Variants in TIMP2 observed in about 807,000 individuals in gnomAD.
TIMP2 encodes metalloproteinase inhibitor 2.
A neutral mutation model predicts 24.3 loss-of-function variants in TIMP2; 5 were observed. That is an observed-to-expected ratio of 0.21 (90% CI 0.11 to 0.43). The LOEUF is 0.43. Ranked by LOEUF, TIMP2 falls within the 20% of genes least tolerant of loss-of-function variation. TIMP2 has a pLI of 1.00. For missense variants in TIMP2, 221 were observed against 297.5 expected (o/e 0.74, Z 1.89); for synonymous variants, 130 against 123.2 (o/e 1.06, Z -0.37).
chr17:78,887,736 GA>G (rs34363852), intron 1 of TIMP2, among the ~76,000 whole-genome samples: 31,951 of 127,276 alleles, frequency 0.25, 4,755 homozygotes, highest in African/African-American at 0.48. Flanking sequence ...TTTTTCTGGG[GA>G]AAAAAAAAAA....
chr17:78,892,277 C>T (rs2069912046), intron 1 of TIMP2: 1 of 1,550,650 alleles, frequency 6.4e-7, no homozygotes, highest in Non-Finnish European at 8.7e-7. Flanking sequence ...CTTTTTCCTC[C>T]AAAGCAGGTC....
At chr17:78,876,415 C>T (rs946992926) in intron 1 of TIMP2, among the ~76,000 whole-genome samples, 20 of 152,104 alleles carry the variant, frequency 1.3e-4, no homozygotes, top group African/African-American at 4.6e-4. Context: ...GGCTGGAGTG[C>T]AGTGGCGCAA....
At chr17:78,869,627 G>A (rs1435849226) in intron 3 of TIMP2, among the ~76,000 whole-genome samples, 2 of 151,736 alleles carry the variant, frequency 1.3e-5, no homozygotes, top group African/African-American at 4.8e-5. Flanking sequence ...CCTGGTCAAC[G>A]TGGTGAAACC....
At chr17:78,902,948 C>A (rs1315293658) in intron 1 of TIMP2, among the ~76,000 whole-genome samples, 2 of 152,222 alleles carry the variant, frequency 1.3e-5, no homozygotes, top group Non-Finnish European at 2.9e-5. Flanking sequence ...TGGGGAGCCC[C>A]GTGGTGCAGG....
chr17:78,901,731 G>A, intron 1 of TIMP2: 2 of 717,318 alleles, frequency 2.8e-6, no homozygotes, highest in East Asian at 5.4e-5. Flanking sequence ...AGATGCCAGT[G>A]CTTGTCACCA....
intron 1 of TIMP2, among the ~76,000 whole-genome samples, chr17:78,889,846 G>A (rs1179102441): frequency 4.6e-5 from 7 of 152,200 alleles, no homozygotes; most frequent in South Asian, 2.1e-4. Context: ...TAGGCCAGGC[G>A]CGGTGGCTCA....
rs1277980675 is a variant in TIMP2, at chr17:78,853,397, G to A, written c.*2270C>T. 6.6e-6 allele frequency: 1 copy of A among 152,348 alleles called. No individual in the cohort carries two copies. The highest frequency in any genetic ancestry group is 2.4e-5 in the African/African-American group (1 of 41,406). The allele number at this position is 152,348 out of a possible 1,614,324, so 9.4% of individuals were successfully genotyped here. ...ATATATTGCCACTATTTATTGTGAA[G>A]GTATTTGAGCGGCTTCCTCTGTCAG... On this transcript the variant is annotated 3_prime_UTR_variant, in exon 5 of 5. Transcript: ENST00000262768.
In TIMP2 at chr17:78,855,570, T is replaced by C. The variant is rs939115666; in HGVS notation, c.*97A>G. 2.9e-6 allele frequency: 4 copies of C among 1,356,314 alleles called. No homozygotes were observed. Among genetic ancestry groups the C allele is most frequent in the Non-Finnish European group, 2.0e-6 (2 of 987,260 alleles). The allele number at this position is 1,356,314 out of a possible 1,614,324, so 84.0% of individuals were successfully genotyped here. On this transcript the variant is annotated 3_prime_UTR_variant, in exon 5 of 5. Coordinates refer to ENST00000262768, the MANE Select transcript of TIMP2 (RefSeq NM_003255.5). This position sits in a 1 kb window ranked among gnomAD's most constrained non-coding sequence, Gnocchi z 6.0. The stretch of plus-strand genomic sequence containing the variant: ...ATTTGGACCCATGGGATGAGTGTTT[T>C]ATTCATGCTGTTTCCAGGAAGGGAT...
At chr17:78,870,641 C>A (rs1289231540) in intron 3 of TIMP2, among the ~76,000 whole-genome samples, 2 of 152,126 alleles carry the variant, frequency 1.3e-5, no homozygotes, top group African/African-American at 2.4e-5. Flanking sequence ...CACTCGCCTC[C>A]CTTTTAGGAA....
intron 1 of TIMP2, among the ~76,000 whole-genome samples, chr17:78,914,877 G>A (rs908805954): frequency 7.3e-5 from 11 of 150,650 alleles, no homozygotes; most frequent in Admixed American, 3.3e-4. Context: ...GTAAGCCACC[G>A]CGCCTGGCCA....
chr17:78,871,103 G>T (rs55743137), intron 2 of TIMP2, 97 bp from the exon 3 acceptor site: 736,670 of 942,062 alleles, frequency 0.78, 291,771 homozygotes, highest in Admixed American at 0.84. Flanking sequence ...ACAACCTGTA[G>T]CTGGGGTACA....
rs908043659 is a variant in TIMP2, at chr17:78,857,652, G to T, written c.341-6C>A. ...GCCGTCCCCCTCGGCCTTTCCTGCG[G>T]AGAGACGGGGATCACCGAGCTCAGG... On this transcript the variant is annotated splice_region_variant and splice_polypyrimidine_tract_variant and intron_variant, in intron 3 of 4. Transcript: ENST00000262768. 6.8e-6 allele frequency: 11 copies of T among 1,613,952 alleles called. No homozygotes were observed. In the African/African-American group the frequency reaches 1.3e-4, roughly 20 times the overall value.
chr17:78,872,488 T>C (rs925033369), intron 2 of TIMP2, among the ~76,000 whole-genome samples: 1 of 152,138 alleles, frequency 6.6e-6, no homozygotes, highest in Non-Finnish European at 1.5e-5. Context: ...GAGGCTGTTT[T>C]TTTCCCCCCG....
At chr17:78,913,823 C>T (rs907804757) in intron 1 of TIMP2, among the ~76,000 whole-genome samples, 2 of 142,012 alleles carry the variant, frequency 1.4e-5, no homozygotes, top group South Asian at 2.2e-4. Flanking sequence ...ACCCAGGAGG[C>T]GGAGGTTGCA....
Position 78,896,759 on chromosome 17 carries a change from G to A in TIMP2, c.131-22840C>T, listed in dbSNP as rs1373895633. Among the ~76,000 whole-genome samples, 2 of 152,134 alleles carry A rather than the reference G, an allele frequency of 1.3e-5. No homozygotes were observed. The highest frequency in any genetic ancestry group is 4.8e-5 in the African/African-American group (2 of 41,424). On this transcript the variant is annotated intron_variant, in intron 1 of 4. Coordinates refer to ENST00000262768, the MANE Select transcript of TIMP2 (RefSeq NM_003255.5). This position sits in a 1 kb window ranked among gnomAD's most constrained non-coding sequence, Gnocchi z 4.4. ...CGAGTGGACACCAATCTGGCCTCCG[G>A]ACGGCACCAGGGCCTCCCACAGAGC...
In TIMP2 at chr17:78,909,358, T is replaced by TAAAAAA. The variant is rs528903946; in HGVS notation, c.130+15595_130+15600dup. On this transcript the variant is annotated intron_variant, in intron 1 of 4. Coordinates refer to ENST00000262768, the MANE Select transcript of TIMP2 (RefSeq NM_003255.5). Reference sequence around the variant, plus strand: ...CGACAGAGCAAGACCCTCATCTCTTTAAAAAAAAAAAAGATAAATCAAGGA... The same window carrying TAAAAAA: ...CGACAGAGCAAGACCCTCATCTCTTTAAAAAAAAAAAAAAAAAAGATAAATCAAGGA... Among the ~76,000 whole-genome samples, 1,104 of 144,116 alleles carry TAAAAAA rather than the reference T, an allele frequency of 7.7e-3. 12 individuals are homozygous for TAAAAAA. Among genetic ancestry groups the TAAAAAA allele is most frequent in the African/African-American group, 0.027 (1,053 of 39,028 alleles). The allele number at this position is 144,116 out of a possible 152,430, so 94.5% of individuals were successfully genotyped here.
chr17:78,882,859 A>G (rs2377002), intron 1 of TIMP2, among the ~76,000 whole-genome samples: 143,097 of 152,368 alleles, frequency 0.94, 67,326 homozygotes, highest in African/African-American at 0.98. Flanking sequence ...GCTCACCTTC[A>G]GCCTCTGGCC....
At chr17:78,879,269 G>A (rs985755331) in intron 1 of TIMP2, among the ~76,000 whole-genome samples, 11 of 152,190 alleles carry the variant, frequency 7.2e-5, no homozygotes, top group Admixed American at 2.0e-4. Flanking sequence ...AGAGCTCTCC[G>A]GAATACATTT....
intron 1 of TIMP2, chr17:78,892,570 T>TG (rs1232665934): frequency 6.9e-7 from 1 of 1,447,388 alleles, no homozygotes; most frequent in Non-Finnish European, 9.1e-7. Flanking sequence ...CTGCAAAATG[T>TG]GCCCCTCCAA....
Sources: allele counts gnomAD v4.1 joint callset (sites outside exome capture counted in the v4.1 genomes callset), GRCh38; gene constraint gnomAD v4.1.1; non-coding constraint Gnocchi (gnomAD v3.1); transcripts MANE v1.5; gene names NCBI Gene and HGNC (gene_info 2026-07-23, HGNC 2026-07-21).